Variants in SLC5A10 observed in about 807,000 individuals in gnomAD.
SLC5A10 encodes the protein sodium/mannose cotransporter SLC5A10.
A neutral mutation model predicts 68.9 loss-of-function variants in SLC5A10; 55 were observed. The ratio of observed to expected loss-of-function variants is 0.80; its 90% confidence interval spans 0.64 to 1.00. The LOEUF is 1.00. Ranked by LOEUF, SLC5A10 falls within the 50% of genes least tolerant of loss-of-function variation. The pLI is 0.00. For synonymous variants in SLC5A10, 344 were observed against 344.8 expected (o/e 1.00, Z 0.02); for missense variants, 732 against 819.3 (o/e 0.89, Z 1.30).
chr17:18,985,034 G>A (rs915401057), intron 9 of SLC5A10, among the ~76,000 whole-genome samples: 2 of 152,238 alleles, frequency 1.3e-5, no homozygotes, highest in Non-Finnish European at 2.9e-5. Context: ...TCGAGAGTGT[G>A]TTGGTGTGGG....
Position 18,971,204 on chromosome 17 carries a change from T to C in SLC5A10, c.832T>C (p.Trp278Arg), listed in dbSNP as rs571295774. 41 of 1,613,952 alleles carry C rather than the reference T, an allele frequency of 2.5e-5. No individual in the cohort carries two copies. In the South Asian group the frequency reaches 3.8e-4, roughly 15 times the overall value. The change falls in exon 8 of 15, where the codon TGG (tryptophan) becomes CGG (arginine). Residue 278 changes from tryptophan (W) to arginine (R), a missense_variant. By Grantham distance (101) the Trp-to-Arg change is moderately radical. Transcript: ENST00000395645. The surrounding 1 kb of genome is among the most constrained non-coding windows in gnomAD (Gnocchi z 5.5). The stretch of plus-strand genomic sequence containing the variant: ...CCTGACCATCATGGCCACCTGGTAC[T>C]GGTGCACCGACCAGGTGAGTGCCAA... ...FGLTIMATWYWCTDQVIVQRS... is the reference protein window; with the variant it reads ...FGLTIMATWYRCTDQVIVQRS...
intron 1 of SLC5A10, 57 bp from the exon 2 acceptor site, chr17:18,958,625 G>A (rs745800353): frequency 2.3e-5 from 36 of 1,542,758 alleles, no homozygotes; most frequent in East Asian, 1.8e-4. Flanking sequence ...TTTCCCATTC[G>A]ACTTCCCAGC....
rs200035118 is a variant in SLC5A10, at chr17:18,952,303, C to A, written c.98C>A (p.Ala33Asp). ...ACTGTGTATTTTGCTCTGAATGTGG[C>A]CGTGGGCATATGGGTAAGGGGACCT... is the stretch of plus-strand genomic sequence containing the variant. ...VITVYFALNV[A>D]VGIWSSCRAS... The change falls in exon 1 of 15, where the codon GCC becomes GAC. Residue 33 changes from alanine to aspartate, a missense_variant. Ala to Asp is a moderately radical substitution (Grantham distance 126, BLOSUM62 -2). Transcript: ENST00000395645. 2.3e-4 allele frequency: 364 copies of A among 1,612,660 alleles called. 6 individuals are homozygous for A. In the South Asian group the frequency reaches 3.5e-3, roughly 16 times the overall value.
chr17:18,986,555 C>G (rs987761123), intron 9 of SLC5A10, among the ~76,000 whole-genome samples: 3 of 152,220 alleles, frequency 2.0e-5, no homozygotes, highest in Non-Finnish European at 2.9e-5. Context: ...CAGGCCCAGG[C>G]ACTCCAGGCC....
chr17:19,015,834 G>A (rs751946250), intron 11 of SLC5A10, among the ~76,000 whole-genome samples: 2 of 152,136 alleles, frequency 1.3e-5, no homozygotes, highest in African/African-American at 2.4e-5. Context: ...AGACCTCCCC[G>A]ACACCCTTCT....
intron 3 of SLC5A10, among the ~76,000 whole-genome samples, 170 bp downstream of exon 3, chr17:18,959,409 G>A (rs890008880): frequency 6.6e-6 from 1 of 152,230 alleles, no homozygotes; most frequent in Non-Finnish European, 1.5e-5. Context: ...GTGCTGGATG[G>A]CACGACTGGC....
chr17:19,021,833 C>A lies in SLC5A10; in HGVS notation c.*1402C>A. On this transcript the variant is annotated 3_prime_UTR_variant, in exon 15 of 15. Transcript: ENST00000395645. The surrounding 1 kb of genome is among the most constrained non-coding windows in gnomAD (Gnocchi z 4.1). ...CAGAGCGGCCGGAGGCAGTTAGGAG[C>A]CCACGTTCAGTCCAAGGCCGTCCAC... The A allele has an allele frequency of 1.0e-6, 1 of 989,552 alleles. No individual in the cohort carries two copies. The highest frequency in any genetic ancestry group is 1.3e-6 in the Non-Finnish European group (1 of 743,404). 61.3% of individuals were successfully genotyped at this position (989,552 alleles called of 1,614,324 possible).
chr17:18,969,628 A>G, intron 7 of SLC5A10: 1 of 521,666 alleles, frequency 1.9e-6, no homozygotes, highest in Non-Finnish European at 3.4e-6. Context: ...GAGGCTACCC[A>G]CCCTGCTGCC....
At chr17:18,977,334 G>C in intron 9 of SLC5A10, 2 of 583,098 alleles carry the variant, frequency 3.4e-6, no homozygotes, top group Non-Finnish European at 6.0e-6. Context: ...CTCTAGGTGG[G>C]GAAACGTGCA....
intron 9 of SLC5A10, among the ~76,000 whole-genome samples, chr17:19,007,022 T>C (rs2043906501): frequency 6.6e-6 from 1 of 152,180 alleles, no homozygotes; most frequent in Admixed American, 6.5e-5. Context: ...AAACATCAGG[T>C]TTCATTTCTC....
intron 9 of SLC5A10, among the ~76,000 whole-genome samples, chr17:18,981,683 GC>G: frequency 6.6e-6 from 1 of 152,184 alleles, no homozygotes; most frequent in Non-Finnish European, 1.5e-5. Context: ...CCCATCTGAT[GC>G]CCACCTGTGG....
intron 7 of SLC5A10, chr17:18,969,834 C>G (rs1244899491): frequency 5.8e-6 from 1 of 172,530 alleles, no homozygotes; most frequent in African/African-American, 2.4e-5. Flanking sequence ...AGAGGTGATG[C>G]TACCTCCTGC....
intron 9 of SLC5A10, among the ~76,000 whole-genome samples, chr17:18,987,004 C>T (rs975055539): frequency 1.3e-5 from 2 of 152,184 alleles, no homozygotes; most frequent in African/African-American, 4.8e-5. Flanking sequence ...TAAAAATGTC[C>T]CAAGAGCTAG....
At chr17:19,019,364 T>C in intron 11 of SLC5A10, 59 bp from the exon 12 acceptor site, 1 of 1,558,520 alleles carries the variant, frequency 6.4e-7, no homozygotes, top group Non-Finnish European at 8.7e-7. Flanking sequence ...CCAGGGGAGG[T>C]GGGAGAGAGC....
chr17:19,007,800 C>A (rs937436382), intron 9 of SLC5A10, among the ~76,000 whole-genome samples: 1 of 152,132 alleles, frequency 6.6e-6, no homozygotes, highest in African/African-American at 2.4e-5. Flanking sequence ...TCCTTTTATG[C>A]ATCATGCTTT....
intron 10 of SLC5A10, among the ~76,000 whole-genome samples, chr17:19,014,495 A>C (rs1241831414): frequency 2.6e-5 from 4 of 152,108 alleles, no homozygotes; most frequent in Non-Finnish European, 5.9e-5. Context: ...AATTCCAGAG[A>C]CTGGGGCACT....
chr17:18,985,204 G>A (rs745391036), intron 9 of SLC5A10, among the ~76,000 whole-genome samples: 1 of 152,198 alleles, frequency 6.6e-6, no homozygotes, highest in African/African-American at 2.4e-5. Context: ...GCTCGTGACC[G>A]AAGGCCCACC....
chr17:18,951,457 G>A (rs1330079102), upstream of SLC5A10, among the ~76,000 whole-genome samples: 2 of 152,378 alleles, frequency 1.3e-5, no homozygotes, highest in Admixed American at 6.5e-5. Context: ...CGCATGGTCC[G>A]TGAAATGGGA....
chr17:19,005,705 G>A (rs1474022043), intron 9 of SLC5A10, among the ~76,000 whole-genome samples: 2 of 150,324 alleles, frequency 1.3e-5, no homozygotes, highest in South Asian at 2.2e-4. Context: ...CCTTGCCTCT[G>A]AGTCCACTGC....
Sources: allele counts gnomAD v4.1 joint callset (sites outside exome capture counted in the v4.1 genomes callset), GRCh38; gene constraint gnomAD v4.1.1; non-coding constraint Gnocchi (gnomAD v3.1); transcripts MANE v1.5; gene names NCBI Gene and HGNC (gene_info 2026-07-23, HGNC 2026-07-21).